ADAMTS3: variants seen among roughly 807,000 people sequenced by gnomAD.
ADAMTS3 encodes the protein ADAM metallopeptidase with thrombospondin type 1 motif 3, also known as A disintegrin and metalloproteinase with thrombospondin motifs 3.
Under a neutral mutation model 129.0 loss-of-function variants are expected in ADAMTS3, and 73 were observed. That is an observed-to-expected ratio of 0.57 (90% CI 0.47 to 0.69). ADAMTS3 has a LOEUF of 0.69. Among genes scored for constraint, ADAMTS3 ranks in the 30% least tolerant of loss-of-function variants. The pLI is 0.00. For missense variants in ADAMTS3, 1,457 were observed against 1,514.5 expected (o/e 0.96, Z 0.63); for synonymous variants, 477 against 510.8 (o/e 0.93, Z 0.89).
intron 2 of ADAMTS3, among the ~76,000 whole-genome samples, chr4:72,549,085 A>C (rs759899728): frequency 1.6e-4 from 25 of 152,198 alleles, no homozygotes; most frequent in Non-Finnish European, 2.9e-4. Flanking sequence ...TGTTCAATGA[A>C]TCATTTTTTA....
chr4:72,538,194 G>T (rs1721229493), intron 3 of ADAMTS3, among the ~76,000 whole-genome samples: 1 of 152,092 alleles, frequency 6.6e-6, no homozygotes, highest in African/African-American at 2.4e-5. Context: ...AAACAGCAGA[G>T]AAAAAGGAAG....
chr4:72,528,450 T>C (rs961650738), intron 3 of ADAMTS3, among the ~76,000 whole-genome samples: 3 of 149,354 alleles, frequency 2.0e-5, no homozygotes, highest in African/African-American at 4.9e-5. Flanking sequence ...CTATGGTGTA[T>C]ACACATAAGA....
intron 3 of ADAMTS3, among the ~76,000 whole-genome samples, chr4:72,448,109 C>T (rs1336477281): frequency 6.6e-6 from 1 of 151,674 alleles, no homozygotes; most frequent in Non-Finnish European, 1.5e-5. Context: ...AGGTTCAGGG[C>T]CCCTTATTTA....
Position 72,548,879 on chromosome 4 carries a change from G to A in ADAMTS3, c.103C>T (p.Pro35Ser). 6.2e-7 allele frequency: 1 copy of A among 1,602,904 alleles called. No individual in the cohort carries two copies. Residue 35 changes from proline (P) to serine (S), a missense_variant, in exon 3 of 22, where the codon CCA (proline) becomes TCA (serine). Physicochemically the swap from Pro to Ser is moderately conservative, Grantham distance 74. Transcript: ENST00000286657. ...TCATACTCTCTATATCTCTTTATTG[G>A]TAAATCTGTGGGGTGAAAAACAGAA... ...GNEEMVQIDLPIKRYREYELV... is the reference protein window; with the variant it reads ...GNEEMVQIDLSIKRYREYELV...
intron 3 of ADAMTS3, among the ~76,000 whole-genome samples, chr4:72,495,867 T>C (rs143973470): frequency 1.3e-5 from 2 of 152,292 alleles, no homozygotes; most frequent in African/African-American, 2.4e-5. Flanking sequence ...GCAAGGACTT[T>C]GCACAGAAGC....
chr4:72,430,228 A>G (rs1458519106), intron 3 of ADAMTS3, among the ~76,000 whole-genome samples: 1 of 151,996 alleles, frequency 6.6e-6, no homozygotes, highest in Admixed American at 6.6e-5. Context: ...GCCAGCTTTC[A>G]TGACTCACTT....
intron 3 of ADAMTS3, among the ~76,000 whole-genome samples, chr4:72,528,946 A>C (rs1010056012): frequency 6.6e-6 from 1 of 152,184 alleles, no homozygotes; most frequent in African/African-American, 2.4e-5. Flanking sequence ...AATTTAAGAT[A>C]AACTTGAGAT....
At chr4:72,433,320 AT>A (rs1722742552) in intron 3 of ADAMTS3, among the ~76,000 whole-genome samples, 1 of 151,932 alleles carries the variant, frequency 6.6e-6, no homozygotes, top group Non-Finnish European at 1.5e-5. Context: ...AATTTGCTCT[AT>A]AGCACTCATC....
At chr4:72,542,005 T>C (rs550836110) in intron 3 of ADAMTS3, among the ~76,000 whole-genome samples, 7 of 152,308 alleles carry the variant, frequency 4.6e-5, no homozygotes, top group East Asian at 1.9e-4. Context: ...AGTATTCTAG[T>C]AAAATAGGTA....
chr4:72,530,657 T>A (rs1481386751), intron 3 of ADAMTS3, among the ~76,000 whole-genome samples: 1 of 76,290 alleles, frequency 1.3e-5, no homozygotes, highest in Non-Finnish European at 2.3e-5. Flanking sequence ...TAATATTATA[T>A]ATATTATATA....
chr4:72,391,931 A>G (rs778661766), intron 4 of ADAMTS3, among the ~76,000 whole-genome samples: 82 of 152,238 alleles, frequency 5.4e-4, no homozygotes, highest in Admixed American at 3.3e-3. Flanking sequence ...AGAAAACACA[A>G]TAACAAATTC....
At chr4:72,311,328 G>T in intron 13 of ADAMTS3, 147 bp from the exon 14 acceptor site, 1 of 736,932 alleles carries the variant, frequency 1.4e-6, no homozygotes, top group Non-Finnish European at 2.0e-6. Context: ...TAAGGAGTAA[G>T]GAGGAAAGTA....
chr4:72,514,078 C>T (rs992751421), intron 3 of ADAMTS3, among the ~76,000 whole-genome samples: 8 of 152,130 alleles, frequency 5.3e-5, no homozygotes, highest in Admixed American at 3.9e-4. Flanking sequence ...CTTCCTCACC[C>T]CCTCTCCTTC....
In ADAMTS3 at chr4:72,548,645, T is replaced by C. The variant is rs1408884938; in HGVS notation, c.337A>G (p.Thr113Ala). ...GTTATATTCCCAGGCACCAGAGATG[T>C]CTCATGCCACTCCACAACAGCCCCA... ...APGAVVEWHE[T>A]SLVPGNITDP... The change falls in exon 3 of 22, where the codon ACA becomes GCA. Residue 113 changes from threonine (T) to alanine (A), a missense_variant. By Grantham distance (58) the Thr-to-Ala change is moderately conservative. Coordinates refer to ENST00000286657, the MANE Select transcript of ADAMTS3 (RefSeq NM_014243.3). 6.2e-7 allele frequency: 1 copy of C among 1,613,992 alleles called. No individual in the cohort carries two copies.
At chr4:72,529,085 T>A (rs1163858030) in intron 3 of ADAMTS3, among the ~76,000 whole-genome samples, 1 of 152,090 alleles carries the variant, frequency 6.6e-6, no homozygotes, top group Non-Finnish European at 1.5e-5. Flanking sequence ...ACTCAAATGA[T>A]GAATATGAAC....
intron 3 of ADAMTS3, among the ~76,000 whole-genome samples, chr4:72,529,859 A>T (rs1168101660): frequency 1.2e-5 from 1 of 80,070 alleles, no homozygotes; most frequent in East Asian, 3.3e-4. Flanking sequence ...ATTAATATAT[A>T]ATATATAATA....
intron 3 of ADAMTS3, among the ~76,000 whole-genome samples, chr4:72,543,892 CA>C (rs531341362): frequency 8.3e-4 from 126 of 151,752 alleles, no homozygotes; most frequent in African/African-American, 2.9e-3. Context: ...TATTTTATCA[CA>C]AAAAAATATT....
chr4:72,372,947 A>G (rs1721045365), intron 4 of ADAMTS3, among the ~76,000 whole-genome samples: 1 of 152,194 alleles, frequency 6.6e-6, no homozygotes, highest in African/African-American at 2.4e-5. Flanking sequence ...TAAGGAAAAT[A>G]CTAGAATCCC....
At chr4:72,487,475 C>G (rs1719620317) in intron 3 of ADAMTS3, among the ~76,000 whole-genome samples, 1 of 152,038 alleles carries the variant, frequency 6.6e-6, no homozygotes, top group Non-Finnish European at 1.5e-5. Flanking sequence ...ATTTCAATAG[C>G]TAATGCTAAG....
Sources: allele counts gnomAD v4.1 joint callset (sites outside exome capture counted in the v4.1 genomes callset), GRCh38; gene constraint gnomAD v4.1.1; transcripts MANE v1.5; gene names NCBI Gene and HGNC (gene_info 2026-07-23, HGNC 2026-07-21).